Variants in ARMC2 observed in about 807,000 individuals in gnomAD.
The protein encoded by ARMC2 is armadillo repeat containing 2.
Under a neutral mutation model 90.3 loss-of-function variants are expected in ARMC2, and 67 were observed. The ratio of observed to expected loss-of-function variants is 0.74; its 90% CI spans 0.61 to 0.91. The LOEUF is 0.91. Ranked by LOEUF, ARMC2 falls within the 40% of genes least tolerant of loss-of-function variation. ARMC2 has a pLI of 0.00. For missense variants in ARMC2, 920 were observed against 1,030.9 expected (o/e 0.89, Z 1.47); for synonymous variants, 393 against 393.0 (o/e 1.00, Z 0.00).
chr6:109,012,141 A>G, the ARMC2 span, among the ~76,000 whole-genome samples: 3 of 152,216 alleles, frequency 2.0e-5, no homozygotes, highest in East Asian at 1.9e-4. Context: ...AACACAGAAC[A>G]GTGATTACAA....
At chr6:108,896,546 A>C (rs1161367131) in intron 6 of ARMC2, among the ~76,000 whole-genome samples, 1 of 151,996 alleles carries the variant, frequency 6.6e-6, no homozygotes. Context: ...AGCCAGACAC[A>C]ACTGTGCCCT....
At chr6:109,001,558 G>C in the ARMC2 span, 1 of 1,299,598 alleles carries the variant, frequency 7.7e-7, no homozygotes, top group African/African-American at 1.5e-5. Context: ...ATATACATGC[G>C]CTACACTCTA....
chr6:108,987,066 G>A, the ARMC2 span: 2 of 153,102 alleles, frequency 1.3e-5, no homozygotes, highest in African/African-American at 4.8e-5. Context: ...GGCTCAGATA[G>A]TAGCAATGTT....
At position 108,973,370 on chromosome 6, in the gene ARMC2, A is replaced by C. The variant is rs771729074; in HGVS notation, c.2460A>C (p.Ala820=). 7 of 1,612,828 alleles carry C rather than the reference A, an allele frequency of 4.3e-6. No homozygotes were observed. Among genetic ancestry groups the C allele is most frequent in the Non-Finnish European group, 5.1e-6 (6 of 1,179,136 alleles). ...TTTCTAATACAGATGAAGAACTAGC[A>C]CTGGATGGCAGTTTTGATCCAGACC... ...LLSSFLDEEL[A]LDGSFDPDLK... Residue 820 remains alanine (A), a synonymous_variant, in exon 18 of 18, where the codon GCA becomes GCC. Transcript: ENST00000392644.
chr6:108,995,020 T>G, the ARMC2 span, among the ~76,000 whole-genome samples: 1 of 152,136 alleles, frequency 6.6e-6, no homozygotes, highest in Non-Finnish European at 1.5e-5. Context: ...TATATCTTAG[T>G]AGAATATAGG....
chr6:108,953,452 A>G, intron 13 of ARMC2, 101 bp downstream of exon 13: 3 of 1,216,944 alleles, frequency 2.5e-6, no homozygotes, highest in Non-Finnish European at 3.3e-6. Flanking sequence ...TATTATCACA[A>G]GTGGCTCCCT....
chr6:108,848,460 C>G lies in ARMC2; in HGVS notation c.-130C>G, dbSNP rs370618451. On this transcript the variant is annotated 5_prime_UTR_variant, in exon 1 of 18. Transcript: ENST00000392644. ...CGTCGTGGGGTTACCCCGCCCGCGC[C>G]AGCGCTGCATCCCTGGCCGCTACCC... The G allele has an allele frequency of 6.6e-6, 1 of 152,372 alleles. No homozygotes were observed. Among genetic ancestry groups the G allele is most frequent in the African/African-American group, 2.4e-5 (1 of 41,476 alleles). 9.4% of individuals were successfully genotyped at this position (152,372 alleles called of 1,614,324 possible).
chr6:108,991,939 T>C, the ARMC2 span, among the ~76,000 whole-genome samples: 3 of 152,198 alleles, frequency 2.0e-5, no homozygotes, highest in Admixed American at 2.0e-4. Context: ...GCTTAATTAT[T>C]GTCTAGTCTC....
chr6:108,984,323 CAG>C, the ARMC2 span, among the ~76,000 whole-genome samples: 1 of 152,028 alleles, frequency 6.6e-6, no homozygotes, highest in Non-Finnish European at 1.5e-5. Context: ...TTATAGATAA[CAG>C]AAATTTATTG....
At chr6:109,008,438 A>C in the ARMC2 span, among the ~76,000 whole-genome samples, 13,984 of 152,176 alleles carry the variant, frequency 0.092, 847 homozygotes, top group Middle Eastern at 0.19. Context: ...TAAATGTTAA[A>C]ATCTCAAAAA....
intron 8 of ARMC2, chr6:108,907,477 T>TTA (rs58992504): frequency 0.016 from 5,614 of 345,564 alleles, 48 homozygotes; most frequent in East Asian, 0.045. Context: ...TTTTTTTTTT[T>TTA]ACCAGTCATC....
chr6:109,021,473 G>A, the ARMC2 span, among the ~76,000 whole-genome samples: 1 of 137,414 alleles, frequency 7.3e-6, no homozygotes, highest in African/African-American at 2.7e-5. Context: ...TTTTTTTTTT[G>A]CACTCCCAGA....
chr6:109,047,340 A>T, the ARMC2 span, among the ~76,000 whole-genome samples: 1 of 122,932 alleles, frequency 8.1e-6, no homozygotes, highest in Admixed American at 7.8e-5. Flanking sequence ...TCCGGGAGGG[A>T]GGTGGGGGGG....
intron 10 of ARMC2, among the ~76,000 whole-genome samples, chr6:108,922,007 C>T (rs962989572): frequency 4.3e-4 from 66 of 152,326 alleles, no homozygotes; most frequent in African/African-American, 1.3e-3. Context: ...GAGTCACAAG[C>T]TCCTCTGATC....
intron 10 of ARMC2, among the ~76,000 whole-genome samples, chr6:108,916,084 A>C (rs1468785827): frequency 6.6e-6 from 1 of 152,172 alleles, no homozygotes; most frequent in African/African-American, 2.4e-5. Context: ...TTAGAGGAAA[A>C]AAAAACACAG....
chr6:108,968,086 C>T (rs1253660107), intron 17 of ARMC2, among the ~76,000 whole-genome samples: 2 of 152,128 alleles, frequency 1.3e-5, no homozygotes, highest in Admixed American at 1.3e-4. Flanking sequence ...ACTGAACCAC[C>T]TTAGGAAAAG....
In ARMC2 at chr6:108,864,834, G is replaced by T. The variant is rs552875825; in HGVS notation, c.292-3990G>T. On this transcript the variant is annotated intron_variant, in intron 3 of 17. Transcript: ENST00000392644. ...TTCTATGTATTGTGTCTTCTTTGACGGGGTTGTCCTATGGAAATAGACTGT... is the reference window on the plus strand; with the variant it reads ...TTCTATGTATTGTGTCTTCTTTGACTGGGTTGTCCTATGGAAATAGACTGT... Among the ~76,000 whole-genome samples, 41 of 152,160 alleles carry T rather than the reference G, an allele frequency of 2.7e-4. 1 individual carries two copies. In the South Asian group the frequency reaches 8.5e-3, roughly 32 times the overall value.
At chr6:108,982,313 G>A in the ARMC2 span, among the ~76,000 whole-genome samples, 1 of 152,154 alleles carries the variant, frequency 6.6e-6, no homozygotes, top group African/African-American at 2.4e-5. Flanking sequence ...GGTTTGCAGA[G>A]GGCTGCCTTT....
At chr6:108,854,648 C>G (rs575770989) in intron 2 of ARMC2, among the ~76,000 whole-genome samples, 163 bp downstream of exon 2, 1 of 152,144 alleles carries the variant, frequency 6.6e-6, no homozygotes, top group South Asian at 2.1e-4. Flanking sequence ...TCCCATGTAC[C>G]CCCTACCACA....
Sources: gnomAD v4.1 joint callset for allele counts (sites outside exome capture counted in the v4.1 genomes callset) on GRCh38, gnomAD v4.1.1 for gene constraint, MANE v1.5 for transcripts, NCBI Gene and HGNC (gene_info 2026-07-23, HGNC 2026-07-21) for gene names.